The following BEND7 variants were observed in gnomAD, a reference collection of about 807,000 sequenced individuals.
BEND7 encodes BEN domain-containing protein 7.
A neutral mutation model predicts 50.9 loss-of-function variants in BEND7; 28 were observed. The observed-to-expected ratio is 0.55, with a 90% CI of 0.41 to 0.75. The LOEUF (loss-of-function observed/expected upper bound fraction) is 0.75, where lower values mean the gene tolerates loss of function less well. Among genes scored for constraint, BEND7 ranks in the 30% least tolerant of loss-of-function variants. The pLI is 0.00. For missense variants in BEND7, 477 were observed against 491.3 expected (o/e 0.97, Z 0.28); for synonymous variants, 170 against 183.9 (o/e 0.92, Z 0.61).
intron 4 of BEND7, among the ~76,000 whole-genome samples, chr10:13,494,047 A>C (rs2076856500): frequency 6.6e-6 from 1 of 152,234 alleles, no homozygotes; most frequent in African/African-American, 2.4e-5. Context: ...AGAGCACAGA[A>C]GTTTTTAAAC....
intron 6 of BEND7, among the ~76,000 whole-genome samples, chr10:13,473,935 G>C (rs1343143398): frequency 6.6e-6 from 1 of 150,942 alleles, no homozygotes; most frequent in African/African-American, 2.4e-5. Context: ...TAGACTCAGG[G>C]CCAATATTGT....
At chr10:13,439,050 G>C (rs1226860447), downstream of BEND7, 4 of 957,182 alleles carry the variant, frequency 4.2e-6, no homozygotes, top group East Asian at 1.1e-4. Context: ...GGGCAAAGGG[G>C]AGAGAGGGCA....
intron 7 of BEND7, among the ~76,000 whole-genome samples, chr10:13,449,277 A>G (rs1200946844): frequency 6.6e-6 from 1 of 152,192 alleles, no homozygotes; most frequent in African/African-American, 2.4e-5. Context: ...TCTTCATGGT[A>G]GTTCTCTCAC....
intron 7 of BEND7, among the ~76,000 whole-genome samples, chr10:13,452,054 A>C (rs964158823): frequency 2.0e-5 from 3 of 152,150 alleles, no homozygotes; most frequent in African/African-American, 7.2e-5. Flanking sequence ...TTAAACCCAC[A>C]CACACAACCC....
At chr10:13,499,671 G>A (rs1018418677) in intron 3 of BEND7, 107 bp downstream of exon 3, 2 of 1,287,094 alleles carry the variant, frequency 1.6e-6, no homozygotes, top group African/African-American at 2.9e-5. Context: ...GCAAAGGCAG[G>A]TAATTATGGG....
chr10:13,484,831 T>C (rs2076106604), intron 5 of BEND7, among the ~76,000 whole-genome samples: 1 of 152,242 alleles, frequency 6.6e-6, no homozygotes, highest in Non-Finnish European at 1.5e-5. Context: ...CTGCCTATTT[T>C]AGGCATCTTG....
chr10:13,478,537 T>C (rs1564318126), intron 6 of BEND7, among the ~76,000 whole-genome samples: 1 of 152,174 alleles, frequency 6.6e-6, no homozygotes, highest in Admixed American at 6.5e-5. Context: ...AATTTTCTTA[T>C]AAAACAGTCA....
intron 6 of BEND7, among the ~76,000 whole-genome samples, chr10:13,461,049 C>T (rs186653589): frequency 1.1e-3 from 165 of 152,298 alleles, no homozygotes; most frequent in African/African-American, 3.8e-3. Flanking sequence ...AGCCAAGGGG[C>T]ACCTCACCCA....
rs1315813081 is a variant in BEND7 at position 13,452,468 on chromosome 10, AG to A, written c.1183+70del. 2.1e-6 allele frequency: 3 copies of A among 1,440,970 alleles called. No homozygotes were observed. In the African/African-American group the frequency reaches 4.3e-5, roughly 20 times the overall value. The allele number at this position is 1,440,970 out of a possible 1,614,324, so 89.3% of individuals were successfully genotyped here. ...AAGATGCTGAAATAACCTAGAGCCA[AG>A]TATTGTACTTTATAAAGTCTAAGAA... On this transcript the variant is annotated intron_variant, in intron 7 of 8. Coordinates refer to ENST00000466271, the MANE Select transcript of BEND7 (RefSeq NM_001369863.1).
chr10:13,457,731 C>G (rs769695022), intron 6 of BEND7, among the ~76,000 whole-genome samples: 5 of 152,126 alleles, frequency 3.3e-5, no homozygotes, highest in Non-Finnish European at 5.9e-5. Context: ...ATTGGGGAGA[C>G]AGAATGCATT....
At chr10:13,522,103 G>C (rs1392853998) in intron 2 of BEND7, among the ~76,000 whole-genome samples, 1 of 136,272 alleles carries the variant, frequency 7.3e-6, no homozygotes, top group Non-Finnish European at 1.6e-5. Flanking sequence ...AACAGGGCTT[G>C]GCATGGATGT....
chr10:13,490,539 T>C (rs1372598895), intron 5 of BEND7, among the ~76,000 whole-genome samples: 1 of 152,192 alleles, frequency 6.6e-6, no homozygotes, highest in African/African-American at 2.4e-5. Flanking sequence ...GCCCTCCTGA[T>C]CTCCTGCCTG....
At chr10:13,501,439 T>C (rs2077457781) in intron 2 of BEND7, among the ~76,000 whole-genome samples, 1 of 151,892 alleles carries the variant, frequency 6.6e-6, no homozygotes, top group South Asian at 2.1e-4. Flanking sequence ...CAGAGGATGC[T>C]GATATCTGTT....
chr10:13,505,808 AAC>A (rs2077840137), intron 2 of BEND7, among the ~76,000 whole-genome samples: 2 of 152,298 alleles, frequency 1.3e-5, no homozygotes, highest in East Asian at 1.9e-4. Context: ...AATTCCTGGT[AAC>A]AGTCACCCTG....
chr10:13,480,694 A>G (rs2075793973), intron 6 of BEND7: 2 of 985,348 alleles, frequency 2.0e-6, no homozygotes, highest in Non-Finnish European at 2.4e-6. Context: ...ATTTCAACAA[A>G]TTAACATTAC....
At chr10:13,443,465 G>A (rs544506198) in intron 8 of BEND7, 2 of 152,788 alleles carry the variant, frequency 1.3e-5, no homozygotes, top group East Asian at 3.8e-4. Context: ...GTTGTACATG[G>A]TTCTGTGACA....
chr10:13,527,900 T>C, intron 1 of BEND7: 1 of 933,324 alleles, frequency 1.1e-6, no homozygotes. Flanking sequence ...TTTTTCTTTT[T>C]TTTAAAGGAT....
rs1163234091 is a variant in BEND7, at chr10:13,496,797, C to G, written c.540G>C (p.Lys180Asn). 2 of 1,613,746 alleles carry G rather than the reference C, an allele frequency of 1.2e-6. No homozygotes were observed. Among genetic ancestry groups the G allele is most frequent in the Admixed American group, 1.7e-5 (1 of 59,970 alleles). Residue 180 changes from lysine to asparagine, a missense_variant, in exon 4 of 9, where the codon AAG becomes AAC. Around this residue, in one of 3 missense-constraint regions of BEND7, gnomAD observed 396 missense variants for 384.2 expected, o/e 1.03. Coordinates refer to ENST00000466271, the MANE Select transcript of BEND7 (RefSeq NM_001369863.1). ...STLQAILQEL[K>N]TMRKLMQIQA... ...GAATTTGCATTAATTTCCTCATGGTCTTGAGTTCTTGTAGAATGGCCTGCA... is the reference window on the plus strand; with the variant it reads ...GAATTTGCATTAATTTCCTCATGGTGTTGAGTTCTTGTAGAATGGCCTGCA...
chr10:13,528,871 G>GCGGGC lies in BEND7; in HGVS notation c.-343_-339dup, dbSNP rs1383901876. 2.1e-5 allele frequency: 3 copies of GCGGGC among 144,120 alleles called. No homozygotes were observed. Among genetic ancestry groups the GCGGGC allele is most frequent in the Non-Finnish European group, 3.1e-5 (2 of 65,042 alleles). 8.9% of individuals were successfully genotyped at this position (144,120 alleles called of 1,614,324 possible). A position where few individuals can be genotyped will look rare whatever the true frequency, so the allele number is the denominator to read the frequency against. On this transcript the variant is annotated 5_prime_UTR_variant, in exon 1 of 9. Coordinates refer to ENST00000466271, the MANE Select transcript of BEND7 (RefSeq NM_001369863.1). ...GCCGCAGCCCAACTTTCCGTTGGGA[G>GCGGGC]CGGGCCGGGCCGGGGCGCGGCGGCG... is the stretch of plus-strand genomic sequence containing the variant.
Sources: allele counts gnomAD v4.1 joint callset (sites outside exome capture counted in the v4.1 genomes callset), GRCh38; gene constraint gnomAD v4.1.1; regional missense constraint gnomAD v4.1.1; transcripts MANE v1.5; gene names NCBI Gene and HGNC (gene_info 2026-07-23, HGNC 2026-07-21).